The following ISM1 variants were observed in gnomAD, a reference collection of about 807,000 sequenced individuals.
ISM1 encodes isthmin-1.
A neutral mutation model predicts 46.3 loss-of-function variants in ISM1; 25 were observed. The ratio of observed to expected loss-of-function variants is 0.54; its 90% CI spans 0.39 to 0.75. The LOEUF (loss-of-function observed/expected upper bound fraction) is 0.75, where lower values mean the gene tolerates loss of function less well. Ranked by LOEUF, ISM1 falls within the 30% of genes least tolerant of loss-of-function variation. The pLI, the probability that ISM1 is intolerant of heterozygous loss-of-function variation, is 0.00. For synonymous variants in ISM1, 255 were observed against 256.7 expected, an observed-to-expected ratio of 0.99 and a Z score of 0.06; for missense variants, 536 against 625.4, an observed-to-expected ratio of 0.86 and a Z score of 1.52.
At chr20:13,249,387 G>A (rs1008118039) in intron 1 of ISM1, among the ~76,000 whole-genome samples, 5 of 152,140 alleles carry the variant, frequency 3.3e-5, no homozygotes, top group Middle Eastern at 3.2e-3. Flanking sequence ...CATGAAACAC[G>A]GGCAGGCCAA....
rs374555940 is a variant in ISM1, at chr20:13,288,698, G to A, written c.787+15G>A. 38 of 1,608,016 alleles carry A rather than the reference G, an allele frequency of 2.4e-5. No homozygotes were observed. The African/African-American group carries it at 4.3e-4, about 18-fold the overall frequency. ...AAACTGCCCAGGTGCGTTTACCTGA[G>A]TGTGTAGCTCCAAGTTCAAGGGGAA... On this transcript the variant is annotated intron_variant, in intron 4 of 5. Transcript: ENST00000262487.
At chr20:13,239,960 T>A (rs2039699842) in intron 1 of ISM1, among the ~76,000 whole-genome samples, 1 of 152,232 alleles carries the variant, frequency 6.6e-6, no homozygotes, top group East Asian at 1.9e-4. Flanking sequence ...TAAGTGTACA[T>A]CTAAAGTGCT....
chr20:13,222,001 G>A, intron 1 of ISM1, 87 bp downstream of exon 1: 1 of 1,195,892 alleles, frequency 8.4e-7, no homozygotes, highest in South Asian at 2.8e-5. Flanking sequence ...GTGGATGCAG[G>A]GAGGCAGGTC....
the ISM1 span, among the ~76,000 whole-genome samples, chr20:13,309,214 T>C: frequency 6.6e-6 from 1 of 151,672 alleles, no homozygotes; most frequent in Admixed American, 6.6e-5. Flanking sequence ...TTCAAGACAA[T>C]AGTTACCTCT....
At chr20:13,248,555 A>G (rs2039828525) in intron 1 of ISM1, among the ~76,000 whole-genome samples, 1 of 152,196 alleles carries the variant, frequency 6.6e-6, no homozygotes, top group Non-Finnish European at 1.5e-5. Flanking sequence ...AGACCATTGA[A>G]CTTTACCTCT....
At chr20:13,323,127 A>G in the ISM1 span, among the ~76,000 whole-genome samples, 2 of 152,280 alleles carry the variant, frequency 1.3e-5, no homozygotes, top group Admixed American at 1.3e-4. Flanking sequence ...TCAGACCACA[A>G]CATGGAATAG....
intron 1 of ISM1, among the ~76,000 whole-genome samples, chr20:13,268,708 C>T (rs996297571): frequency 6.6e-6 from 1 of 152,136 alleles, no homozygotes; most frequent in Non-Finnish European, 1.5e-5. Context: ...GGTCTCTGAA[C>T]CAGTGAGTTT....
At position 13,274,314 on chromosome 20, in the gene ISM1, A is replaced by G. The variant is rs117553329; in HGVS notation, c.378+3571A>G. ...ACAGGGCCGATTCAGCCCAGCAGAC[A>G]GCCCTGCTGGTCCCTGACGGTCCCT... On this transcript the variant is annotated intron_variant, in intron 2 of 5. Coordinates refer to ENST00000262487, the MANE Select transcript of ISM1 (RefSeq NM_080826.2). 2.9e-4 allele frequency among the ~76,000 whole-genome samples: 44 copies of G among 152,286 alleles called. 1 individual carries two copies. In the East Asian group the frequency reaches 8.0e-3, roughly 28 times the overall value.
the ISM1 span, among the ~76,000 whole-genome samples, chr20:13,321,857 T>C: frequency 1.3e-5 from 2 of 152,252 alleles, no homozygotes; most frequent in African/African-American, 4.8e-5. Flanking sequence ...ATTCTTGGGC[T>C]AGACTGCTCA....
intron 1 of ISM1, among the ~76,000 whole-genome samples, chr20:13,222,465 C>T (rs1284297471): frequency 6.6e-6 from 1 of 152,058 alleles, no homozygotes; most frequent in African/African-American, 2.4e-5. Flanking sequence ...TTCCAGTGTT[C>T]CTCTTCCTCC....
intron 1 of ISM1, among the ~76,000 whole-genome samples, chr20:13,240,545 A>G (rs2039707699): frequency 6.6e-6 from 1 of 152,208 alleles, no homozygotes; most frequent in African/African-American, 2.4e-5. Flanking sequence ...AACAGTGTGT[A>G]AGGAAGAAAG....
the ISM1 span, among the ~76,000 whole-genome samples, chr20:13,307,108 T>G: frequency 0.78 from 119,095 of 152,100 alleles, 46,934 homozygotes; most frequent in East Asian, 0.87. Flanking sequence ...AGCAAATGTA[T>G]AAAGCTGAAG....
At chr20:13,275,904 C>T (rs966890718) in intron 2 of ISM1, among the ~76,000 whole-genome samples, 4 of 152,192 alleles carry the variant, frequency 2.6e-5, no homozygotes, top group African/African-American at 9.6e-5. Flanking sequence ...CAGTTTCCGT[C>T]CCTGAAAATT....
chr20:13,240,970 G>T (rs12625420), intron 1 of ISM1, among the ~76,000 whole-genome samples: 1 of 152,066 alleles, frequency 6.6e-6, no homozygotes, highest in African/African-American at 2.4e-5. Flanking sequence ...GGGAGGCTGT[G>T]AAGTGGACAG....
At chr20:13,322,847 G>T in the ISM1 span, among the ~76,000 whole-genome samples, 2 of 152,110 alleles carry the variant, frequency 1.3e-5, no homozygotes, top group Non-Finnish European at 2.9e-5. Flanking sequence ...CAAAGCCACA[G>T]ATCTGGATAA....
At chr20:13,292,655 G>A (rs77945166) in intron 5 of ISM1, among the ~76,000 whole-genome samples, 192 bp downstream of exon 5, 3,102 of 152,150 alleles carry the variant, frequency 0.02, 104 homozygotes, top group African/African-American at 0.071. Context: ...TCCTCCACCG[G>A]ACCGAGCGCT....
chr20:13,223,598 C>A (rs1173855857), intron 1 of ISM1, among the ~76,000 whole-genome samples: 1 of 152,194 alleles, frequency 6.6e-6, no homozygotes, highest in Non-Finnish European at 1.5e-5. Flanking sequence ...AAAGTACACA[C>A]CCCAAAGCTT....
intron 1 of ISM1, among the ~76,000 whole-genome samples, chr20:13,249,499 G>A (rs1200087886): frequency 4.6e-5 from 7 of 152,226 alleles, no homozygotes; most frequent in Non-Finnish European, 1.0e-4. Context: ...AAGCCCAATC[G>A]AGGATGTTTT....
At chr20:13,304,989 G>A (rs1203471905), downstream of ISM1, among the ~76,000 whole-genome samples, 6 of 152,068 alleles carry the variant, frequency 3.9e-5, no homozygotes, top group South Asian at 6.3e-4. Context: ...ATCACTTCAC[G>A]CTTAAATACT....
Sources: gnomAD v4.1 joint callset for allele counts (sites outside exome capture counted in the v4.1 genomes callset) on GRCh38, gnomAD v4.1.1 for gene constraint, MANE v1.5 for transcripts, NCBI Gene and HGNC (gene_info 2026-07-23, HGNC 2026-07-21) for gene names.